Variants in PEBP4 observed in about 807,000 individuals in gnomAD.
PEBP4 encodes the protein phosphatidylethanolamine binding protein 4.
PEBP4 carries 22 observed loss-of-function variants against 23.9 expected under a neutral mutation model. The ratio of observed to expected loss-of-function variants is 0.92; its 90% confidence interval spans 0.66 to 1.31. PEBP4 has a LOEUF of 1.31. Among genes scored for constraint, PEBP4 ranks in the 40% most tolerant of loss-of-function variants. The pLI, the probability that PEBP4 is intolerant of heterozygous loss-of-function variation, is 0.00. For missense variants in PEBP4, 324 were observed against 281.7 expected (o/e 1.15, Z -1.07); for synonymous variants, 112 against 99.3 (o/e 1.13, Z -0.76).
In PEBP4 at chr8:22,891,123, C is replaced by T. The variant is rs112733807; in HGVS notation, c.258+29061G>A. ...GATTACAGGCGTGAGCCACTGCTCC[C>T]GGCCCTTCCCATCTTATTAAATAGG... On this transcript the variant is annotated intron_variant, in intron 3 of 6. Coordinates refer to ENST00000256404, the MANE Select transcript of PEBP4 (RefSeq NM_144962.3). Among the ~76,000 whole-genome samples the T allele has an allele frequency of 1.4e-4, 21 of 152,346 alleles. 1 individual carries two copies. The highest frequency in any genetic ancestry group is 2.1e-4 in the South Asian group (1 of 4,826).
chr8:22,898,400 A>T (rs865830108), intron 3 of PEBP4, among the ~76,000 whole-genome samples: 1 of 105,278 alleles, frequency 9.5e-6, no homozygotes, highest in East Asian at 3.1e-4. Context: ...CCAAAAAAAA[A>T]AAAAAAAAAA....
At chr8:22,735,248 T>C (rs1804834791) in intron 4 of PEBP4, among the ~76,000 whole-genome samples, 1 of 152,206 alleles carries the variant, frequency 6.6e-6, no homozygotes, top group Non-Finnish European at 1.5e-5. Flanking sequence ...CTAGAGGCCA[T>C]GCTGGGGGGA....
intron 1 of PEBP4, among the ~76,000 whole-genome samples, chr8:22,934,323 T>C (rs1276648723): frequency 6.6e-6 from 1 of 152,232 alleles, no homozygotes; most frequent in Non-Finnish European, 1.5e-5. Context: ...GGCACGGAGC[T>C]GTATAAGTAA....
Position 22,775,325 on chromosome 8 carries a change from G to T in PEBP4, c.357+42312C>A, listed in dbSNP as rs1387004349. Reference sequence around the variant, plus strand: ...GAGGTGGGCAATGGGAAGGCCGTCAGGGCCCGTCTGCCAGGGAGAAGCCTC... The same window carrying T: ...GAGGTGGGCAATGGGAAGGCCGTCATGGCCCGTCTGCCAGGGAGAAGCCTC... On this transcript the variant is annotated intron_variant, in intron 4 of 6. Transcript: ENST00000256404. The surrounding 1 kb of genome is among the most constrained non-coding windows in gnomAD (Gnocchi z 4.8). 6.6e-6 allele frequency among the ~76,000 whole-genome samples: 1 copy of T among 152,248 alleles called. No individual in the cohort carries two copies. The highest frequency in any genetic ancestry group is 2.1e-4 in the South Asian group (1 of 4,836).
rs544022462 is a variant in PEBP4, at chr8:22,817,416, C to T, written c.357+221G>A. ...AAACACTAGAAATCAGGACTCTCCC[C>T]ACCCTTCTAGAAAGCTGGGTTACCA... On this transcript the variant is annotated intron_variant, in intron 4 of 6. Transcript: ENST00000256404. Among the ~76,000 whole-genome samples the T allele has an allele frequency of 4.6e-5, 7 of 152,326 alleles. 1 individual carries two copies. The East Asian group carries it at 1.2e-3, about 25-fold the overall frequency.
At chr8:22,853,537 GA>G (rs1807587167) in intron 3 of PEBP4, among the ~76,000 whole-genome samples, 1 of 152,238 alleles carries the variant, frequency 6.6e-6, no homozygotes, top group African/African-American at 2.4e-5. Flanking sequence ...TCTTTTCAGA[GA>G]GAGGGTCAAA....
intron 6 of PEBP4, among the ~76,000 whole-genome samples, chr8:22,722,860 C>T (rs900533582): frequency 1.3e-4 from 19 of 151,884 alleles, no homozygotes; most frequent in Non-Finnish European, 2.2e-4. Flanking sequence ...ACAAGCTCCG[C>T]CTCCCAGGTT....
chr8:22,930,442 C>A (rs183764463), upstream of PEBP4, among the ~76,000 whole-genome samples: 27 of 152,114 alleles, frequency 1.8e-4, no homozygotes, highest in African/African-American at 6.5e-4. Flanking sequence ...ATCCCCCCAG[C>A]CTATAAGCTT....
chr8:22,856,056 A>AG (rs1341525541), intron 3 of PEBP4, among the ~76,000 whole-genome samples: 3 of 150,968 alleles, frequency 2.0e-5, no homozygotes, highest in Non-Finnish European at 4.4e-5. Flanking sequence ...TCAAAAAAAA[A>AG]AAAAAAAAAA....
At chr8:22,750,314 C>G (rs557440228) in intron 4 of PEBP4, among the ~76,000 whole-genome samples, 1 of 151,144 alleles carries the variant, frequency 6.6e-6, no homozygotes, top group Non-Finnish European at 1.5e-5. Flanking sequence ...TTTGGTCAGG[C>G]TGGTCTCAAA....
chr8:22,922,913 C>A (rs1042902173), intron 2 of PEBP4, among the ~76,000 whole-genome samples: 1 of 152,126 alleles, frequency 6.6e-6, no homozygotes, highest in Non-Finnish European at 1.5e-5. Flanking sequence ...GGGCCCTGGC[C>A]CCAGCTTTGC....
At chr8:22,768,528 G>C (rs577294828) in intron 4 of PEBP4, among the ~76,000 whole-genome samples, 1 of 152,180 alleles carries the variant, frequency 6.6e-6, no homozygotes, top group Admixed American at 6.5e-5. Context: ...GACAGTTCCC[G>C]GGCCTCCGGT....
chr8:22,856,379 A>G (rs1304960172), intron 3 of PEBP4, among the ~76,000 whole-genome samples: 2 of 152,208 alleles, frequency 1.3e-5, no homozygotes, highest in Non-Finnish European at 2.9e-5. Context: ...GATAATAGAA[A>G]TTGGGTTAAC....
chr8:22,738,387 G>A (rs1804916474), intron 4 of PEBP4, among the ~76,000 whole-genome samples: 1 of 152,196 alleles, frequency 6.6e-6, no homozygotes, highest in South Asian at 2.1e-4. Flanking sequence ...TCAGACAGAG[G>A]ATCCTGGGTT....
chr8:22,861,998 C>A (rs931124473), intron 3 of PEBP4, among the ~76,000 whole-genome samples: 7 of 152,192 alleles, frequency 4.6e-5, no homozygotes, highest in Admixed American at 1.3e-4. Flanking sequence ...GAATTAATTT[C>A]TCCTGCATGT....
intron 3 of PEBP4, among the ~76,000 whole-genome samples, chr8:22,911,117 G>A (rs1199839795): frequency 6.6e-6 from 1 of 152,070 alleles, no homozygotes; most frequent in African/African-American, 2.4e-5. Context: ...AAAACATAAA[G>A]TCTATTAAAA....
intron 4 of PEBP4, among the ~76,000 whole-genome samples, chr8:22,755,436 A>G (rs1229791248): frequency 6.7e-6 from 1 of 148,502 alleles, no homozygotes; most frequent in Admixed American, 6.8e-5. Context: ...TCCGGGTTCA[A>G]GCGTTTCTCC....
At chr8:22,937,798 ATGTGTG>A (rs55794481) in intron 1 of PEBP4, among the ~76,000 whole-genome samples, 58,753 of 150,352 alleles carry the variant, frequency 0.39, 11,834 homozygotes, top group African/African-American at 0.49. Context: ...ATGTGTATGT[ATGTGTG>A]TGTGTGTGTG....
chr8:22,837,365 C>T (rs972862270), intron 3 of PEBP4, among the ~76,000 whole-genome samples: 1 of 152,166 alleles, frequency 6.6e-6, no homozygotes, highest in East Asian at 1.9e-4. Flanking sequence ...TGTTCATTTC[C>T]ACGGGTGATA....
Sources: allele counts gnomAD v4.1 joint callset (sites outside exome capture counted in the v4.1 genomes callset), GRCh38; gene constraint gnomAD v4.1.1; non-coding constraint Gnocchi (gnomAD v3.1); transcripts MANE v1.5; gene names NCBI Gene and HGNC (gene_info 2026-07-23, HGNC 2026-07-21).